Variants in TCF4 observed in about 807,000 individuals in gnomAD.
The protein encoded by TCF4 is transcription factor 4, also known as SL3-3 enhancer factor 2.
In TCF4, 3 loss-of-function variants were observed where a neutral mutation model predicts 82.1. That is an observed-to-expected ratio of 0.04 (90% confidence interval 0.02 to 0.09). The LOEUF (loss-of-function observed/expected upper bound fraction) is 0.09, where lower values mean the gene tolerates loss of function less well. Ranked by LOEUF, TCF4 falls within the 10% of genes least tolerant of loss-of-function variation. The probability of loss-of-function intolerance (pLI) is 1.00; values close to 1 mark genes in which losing one functional copy is unlikely to be tolerated. For synonymous variants in TCF4, 276 were observed against 309.6 expected (o/e 0.89, Z 1.14); for missense variants, 518 against 852.7 (o/e 0.61, Z 4.89).
chr18:55,302,388 G>T, intron 8 of TCF4: 1 of 1,534,938 alleles, frequency 6.5e-7, no homozygotes, highest in South Asian at 1.2e-5. Flanking sequence ...GCTCAGGATA[G>T]ACCACTTTGG....
chr18:55,590,234 C>T (rs112915575), upstream of TCF4, among the ~76,000 whole-genome samples: 1 of 152,350 alleles, frequency 6.6e-6, no homozygotes, highest in African/African-American at 2.4e-5. Context: ...ACCCTGGGTT[C>T]TCCCACTGTG....
Position 55,233,662 on chromosome 18 carries a change from G to A in TCF4, c.1486+886C>T, listed in dbSNP as rs187689567. 2.1e-3 allele frequency among the ~76,000 whole-genome samples: 318 copies of A among 151,670 alleles called. 10 individuals are homozygous for A. Among genetic ancestry groups the A allele is most frequent in the Admixed American group, 0.019 (285 of 15,248 alleles). On this transcript the variant is annotated intron_variant, in intron 16 of 19. Transcript: ENST00000354452. ...GAAACCCTGTCTCTACTAAAAATAC[G>A]AAAAATAGCCAGGCATGGTGATGCA... is the stretch of plus-strand genomic sequence containing the variant.
chr18:55,269,372 C>G (rs2059861986), intron 11 of TCF4: 1 of 233,076 alleles, frequency 4.3e-6, no homozygotes, highest in Non-Finnish European at 8.6e-6. Flanking sequence ...TAGTTATTAG[C>G]AGTCACCTGA....
chr18:55,261,020 C>T (rs1387604680), intron 12 of TCF4: 1 of 159,634 alleles, frequency 6.3e-6, no homozygotes, highest in South Asian at 1.8e-4. Flanking sequence ...GAAGCTGAGT[C>T]CCCCAGGTGC....
chr18:55,265,755 C>G (rs1290736638), intron 11 of TCF4: 1 of 152,174 alleles, frequency 6.6e-6, no homozygotes, highest in East Asian at 1.9e-4. Context: ...ACTAGACAAG[C>G]CACATACTAA....
At chr18:55,518,613 A>C (rs1367778614) in intron 3 of TCF4, among the ~76,000 whole-genome samples, 1 of 152,176 alleles carries the variant, frequency 6.6e-6, no homozygotes, top group Non-Finnish European at 1.5e-5. Context: ...ATCCAACAAA[A>C]ATTTTTTTAA....
chr18:55,365,191 A>ATATC (rs1361444592), intron 6 of TCF4, among the ~76,000 whole-genome samples: 1 of 97,958 alleles, frequency 1.0e-5, no homozygotes, highest in Non-Finnish European at 1.9e-5. Flanking sequence ...ATATATATAT[A>ATATC]TGTGTGTGTG....
intron 5 of TCF4, among the ~76,000 whole-genome samples, chr18:55,433,668 G>A: frequency 6.6e-6 from 1 of 152,242 alleles, no homozygotes; most frequent in East Asian, 1.9e-4. Context: ...GTGTGCTGCT[G>A]ATGACAGCAA....
rs3040521 is a variant in TCF4, at chr18:55,236,069, A to ATGTG, written c.1351-1390_1351-1387dup. On this transcript the variant is annotated intron_variant, in intron 15 of 19. Transcript: ENST00000354452. The stretch of plus-strand genomic sequence containing the variant: ...ATGCCATTTTTATATTCATGTGTGC[A>ATGTG]TGTGTGTGTGTGTGTGTGTGTGTGT... 9.8e-3 allele frequency among the ~76,000 whole-genome samples: 1,480 copies of ATGTG among 151,066 alleles called. 13 individuals carry two copies. The highest frequency in any genetic ancestry group is 0.019 in the South Asian group (91 of 4,766).
chr18:55,291,876 T>G (rs2065176251), intron 8 of TCF4, among the ~76,000 whole-genome samples: 1 of 152,294 alleles, frequency 6.6e-6, no homozygotes, highest in East Asian at 1.9e-4. Flanking sequence ...GGGAGATTTA[T>G]GAAGTACAAT....
At chr18:55,503,291 G>C (rs1603616643) in intron 3 of TCF4, among the ~76,000 whole-genome samples, 1 of 152,128 alleles carries the variant, frequency 6.6e-6, no homozygotes, top group East Asian at 1.9e-4. Context: ...AAGTTAGAAA[G>C]CCGAAAATTC....
At chr18:55,500,065 C>A (rs1264919133) in intron 3 of TCF4, among the ~76,000 whole-genome samples, 1 of 152,152 alleles carries the variant, frequency 6.6e-6, no homozygotes. Flanking sequence ...CGCCTGTAAT[C>A]CCAGCTACTC....
At chr18:55,272,111 A>G (rs2060508823) in intron 10 of TCF4, among the ~76,000 whole-genome samples, 1 of 152,132 alleles carries the variant, frequency 6.6e-6, no homozygotes, top group Non-Finnish European at 1.5e-5. Flanking sequence ...ATGGGCAGTA[A>G]TTTGGGATTT....
At chr18:55,583,576 C>T (rs75106955) in intron 3 of TCF4, among the ~76,000 whole-genome samples, 4 of 152,194 alleles carry the variant, frequency 2.6e-5, no homozygotes, top group Non-Finnish European at 5.9e-5. Context: ...AAACACCTTA[C>T]TTTATTAAAT....
chr18:55,418,003 A>ATGTGTGTGTGTG (rs201657057), intron 5 of TCF4, among the ~76,000 whole-genome samples: 2 of 143,386 alleles, frequency 1.4e-5, no homozygotes, highest in Non-Finnish European at 3.1e-5. Flanking sequence ...TCTTGAGCAA[A>ATGTGTGTGTGTG]TGTGTGTGTG....
At chr18:55,250,796 T>C (rs1377852335) in intron 15 of TCF4, among the ~76,000 whole-genome samples, 2 of 152,188 alleles carry the variant, frequency 1.3e-5, no homozygotes, top group Non-Finnish European at 2.9e-5. Context: ...ACTCGAGGAA[T>C]TTACAACAGT....
At chr18:55,256,113 A>G (rs1031032472) in intron 14 of TCF4, among the ~76,000 whole-genome samples, 1 of 152,168 alleles carries the variant, frequency 6.6e-6, no homozygotes, top group Admixed American at 6.5e-5. Context: ...CTTACTTCTG[A>G]GTGTAAATGT....
At chr18:55,351,715 C>T in intron 6 of TCF4, 1 of 435,002 alleles carries the variant, frequency 2.3e-6, no homozygotes, top group Non-Finnish European at 3.1e-6. Context: ...CACAGTGTGA[C>T]AATTATTAAA....
At chr18:55,577,463 T>G (rs1232583104) in intron 3 of TCF4, among the ~76,000 whole-genome samples, 1 of 151,922 alleles carries the variant, frequency 6.6e-6, no homozygotes, top group Non-Finnish European at 1.5e-5. Context: ...CCATAATCAT[T>G]ATCAATTTTT....
Sources: allele counts gnomAD v4.1 joint callset (sites outside exome capture counted in the v4.1 genomes callset), GRCh38; gene constraint gnomAD v4.1.1; transcripts MANE v1.5; gene names NCBI Gene and HGNC (gene_info 2026-07-23, HGNC 2026-07-21).